ATP9A: variants seen among roughly 807,000 people sequenced by gnomAD.
ATP9A encodes the protein ATPase phospholipid transporting 9A.
In ATP9A, 52 loss-of-function variants were observed where a neutral mutation model predicts 144.1. The observed-to-expected ratio is 0.36, with a 90% CI of 0.29 to 0.45. The LOEUF is 0.45. ATP9A is among the 20% of genes least tolerant of loss of function. ATP9A has a pLI of 1.00. For missense variants in ATP9A, 947 were observed against 1,392.7 expected, an observed-to-expected ratio of 0.68 and a Z score of 5.09; for synonymous variants, 582 against 557.4, an observed-to-expected ratio of 1.04 and a Z score of -0.62.
At position 51,758,390 on chromosome 20, in the gene ATP9A, C is replaced by T. The variant is rs77171798; in HGVS notation, c.68+9912G>A. 8.1e-3 allele frequency among the ~76,000 whole-genome samples: 1,233 copies of T among 152,314 alleles called. 11 individuals carry two copies. Among genetic ancestry groups the T allele is most frequent in the African/African-American group, 0.028 (1,150 of 41,572 alleles). On this transcript the variant is annotated intron_variant, in intron 1 of 27. Transcript: ENST00000338821. Reference sequence around the variant, plus strand: ...ACCCCTCCACCCCTTCAAAGGCAGTCATAAAATACAGCCAGCCCTTATCAC... The same window carrying T: ...ACCCCTCCACCCCTTCAAAGGCAGTTATAAAATACAGCCAGCCCTTATCAC...
At chr20:51,658,568 G>A (rs1449164065) in intron 13 of ATP9A, among the ~76,000 whole-genome samples, 2 of 135,742 alleles carry the variant, frequency 1.5e-5, no homozygotes, top group Non-Finnish European at 3.0e-5. Context: ...CACCCAGGCT[G>A]GAGTGCAGTG....
chr20:51,741,059 A>ATTAATTAATTAAAAATAAATT (rs2077783230), intron 1 of ATP9A, among the ~76,000 whole-genome samples: 2 of 149,662 alleles, frequency 1.3e-5, no homozygotes, highest in Non-Finnish European at 2.9e-5. Context: ...ATAAATTTTA[A>ATTAATTAATTAAAAATAAATT]TTAATTAATT....
intron 15 of ATP9A, among the ~76,000 whole-genome samples, chr20:51,638,121 A>ATCTATCTATCTATC (rs1173540252): frequency 9.7e-6 from 1 of 103,004 alleles, no homozygotes; most frequent in African/African-American, 4.1e-5. Context: ...ATATATATAT[A>ATCTATCTATCTATC]TATCTCATAG....
At chr20:51,714,516 G>C (rs1162366729) in intron 3 of ATP9A, among the ~76,000 whole-genome samples, 6 of 152,132 alleles carry the variant, frequency 3.9e-5, no homozygotes, top group African/African-American at 1.4e-4. Flanking sequence ...CCAGTAGCTG[G>C]TATTACATGC....
At chr20:51,755,367 G>A (rs373026126) in intron 1 of ATP9A, among the ~76,000 whole-genome samples, 5 of 151,832 alleles carry the variant, frequency 3.3e-5, no homozygotes, top group African/African-American at 7.3e-5. Flanking sequence ...CCCAGGAGGC[G>A]GAGGTTGCAG....
At chr20:51,622,860 C>A (rs1026044155) in intron 18 of ATP9A, among the ~76,000 whole-genome samples, 10 of 152,112 alleles carry the variant, frequency 6.6e-5, no homozygotes, top group African/African-American at 2.4e-4. Flanking sequence ...CAGCTGGGAG[C>A]AGTCTTGGGG....
chr20:51,768,265 C>A (rs1228672094), intron 1 of ATP9A, 37 bp downstream of exon 1: 2 of 1,223,498 alleles, frequency 1.6e-6, no homozygotes, highest in Non-Finnish European at 1.0e-6. Flanking sequence ...CTCCGGGAGG[C>A]GCGGACAAAG....
intron 13 of ATP9A, among the ~76,000 whole-genome samples, chr20:51,659,697 A>G (rs1340710475): frequency 6.6e-6 from 1 of 152,266 alleles, no homozygotes; most frequent in African/African-American, 2.4e-5. Context: ...CTTTACACCC[A>G]TGACACCCGA....
chr20:51,669,900 TG>T, intron 13 of ATP9A, 96 bp downstream of exon 13: 1 of 832,866 alleles, frequency 1.2e-6, no homozygotes, highest in South Asian at 1.5e-5. Context: ...ACTCTTGAAA[TG>T]GGTGAATTGT....
chr20:51,733,925 T>A (rs2077752748), intron 1 of ATP9A, among the ~76,000 whole-genome samples: 1 of 151,676 alleles, frequency 6.6e-6, no homozygotes, highest in Non-Finnish European at 1.5e-5. Flanking sequence ...CCTCCCACCT[T>A]TGCCTCCCAA....
intron 1 of ATP9A, among the ~76,000 whole-genome samples, chr20:51,765,642 C>CAAA (rs1164927794): frequency 1.8e-5 from 2 of 110,558 alleles, no homozygotes; most frequent in African/African-American, 3.5e-5. Flanking sequence ...AGCTACATCT[C>CAAA]AAAAAAAAAA....
chr20:51,694,755 A>T (rs1229220344), intron 6 of ATP9A, among the ~76,000 whole-genome samples: 1 of 152,242 alleles, frequency 6.6e-6, no homozygotes, highest in Non-Finnish European at 1.5e-5. Context: ...AGATCCGTGC[A>T]AGTAGTCAGC....
At chr20:51,620,671 A>G (rs953300658) in intron 19 of ATP9A, among the ~76,000 whole-genome samples, 2 of 152,076 alleles carry the variant, frequency 1.3e-5, no homozygotes, top group Non-Finnish European at 2.9e-5. Context: ...GCCAGCAAAG[A>G]AGCGCTGTGT....
rs1007482359 is a variant in ATP9A, at chr20:51,600,059, T to TC, written c.*1151dup. 9 of 152,152 alleles carry TC rather than the reference T, an allele frequency of 5.9e-5. No homozygotes were observed. Among genetic ancestry groups the TC allele is most frequent in the Admixed American group, 3.3e-4 (5 of 15,270 alleles). The allele number at this position is 152,152 out of a possible 1,614,324, so 9.4% of individuals were successfully genotyped here. On this transcript the variant is annotated 3_prime_UTR_variant, in exon 28 of 28. Transcript: ENST00000338821. The stretch of plus-strand genomic sequence containing the variant: ...CACCACTGGCTGCCTTTCAGCAAGT[T>TC]CCCCTTGAAATCTGCCGGCAGTGGA...
At chr20:51,698,060 T>C (rs1326625570) in intron 4 of ATP9A, among the ~76,000 whole-genome samples, 2 of 152,238 alleles carry the variant, frequency 1.3e-5, no homozygotes, top group African/African-American at 4.8e-5. Context: ...ATCTTCACAA[T>C]AGCCCTCAGA....
chr20:51,740,245 C>G (rs1464351418), intron 1 of ATP9A, among the ~76,000 whole-genome samples: 5 of 151,284 alleles, frequency 3.3e-5, no homozygotes, highest in Non-Finnish European at 5.9e-5. Context: ...TTTGTAGAGT[C>G]AGGGGTCTCC....
intron 9 of ATP9A, among the ~76,000 whole-genome samples, chr20:51,688,027 A>G (rs6021380): frequency 0.25 from 38,496 of 152,188 alleles, 5,210 homozygotes; most frequent in Non-Finnish European, 0.29. Flanking sequence ...GCCTAGGTTC[A>G]AGTTCCAACT....
chr20:51,670,694 G>A (rs532786615), intron 12 of ATP9A, among the ~76,000 whole-genome samples: 1 of 152,284 alleles, frequency 6.6e-6, no homozygotes, highest in South Asian at 2.1e-4. Context: ...TCACCACTCT[G>A]ATAGCCTAAT....
chr20:51,722,746 GAATGTAAATACAACCACTATGGA>G (rs2077695081), intron 3 of ATP9A, among the ~76,000 whole-genome samples: 1 of 152,192 alleles, frequency 6.6e-6, no homozygotes, highest in South Asian at 2.1e-4. Context: ...CTGCTGGTGG[GAATGTAAATACAACCACTATGGA>G]AAACAGTGTG....
Sources: allele counts gnomAD v4.1 joint callset (sites outside exome capture counted in the v4.1 genomes callset), GRCh38; gene constraint gnomAD v4.1.1; transcripts MANE v1.5; gene names NCBI Gene and HGNC (gene_info 2026-07-23, HGNC 2026-07-21).